The following PIEZO2 variants were observed in gnomAD, a reference collection of about 807,000 sequenced individuals.
PIEZO2 encodes piezo type mechanosensitive ion channel component 2.
Under a neutral mutation model 337.3 loss-of-function variants are expected in PIEZO2, and 172 were observed. The observed-to-expected ratio is 0.51, with a 90% CI of 0.45 to 0.58. The LOEUF is 0.58. Ranked by LOEUF, PIEZO2 falls within the 20% of genes least tolerant of loss-of-function variation. The pLI, the probability that PIEZO2 is intolerant of heterozygous loss-of-function variation, is 0.00. For synonymous variants in PIEZO2, 1,251 were observed against 1,228.5 expected (o/e 1.02, Z -0.38); for missense variants, 3,028 against 3,391.3 (o/e 0.89, Z 2.66).
intron 1 of PIEZO2, among the ~76,000 whole-genome samples, chr18:11,108,127 A>G (rs1054670785): frequency 1.3e-5 from 2 of 152,192 alleles, no homozygotes; most frequent in Non-Finnish European, 2.9e-5. Context: ...CTGGAACTCT[A>G]CATCCAGTGA....
intron 1 of PIEZO2, among the ~76,000 whole-genome samples, chr18:11,145,016 TGAAA>T (rs2040771068): frequency 6.6e-6 from 1 of 152,200 alleles, no homozygotes. Flanking sequence ...AGAATCCTGT[TGAAA>T]GAAACTAAAC....
rs561498667 is a variant in PIEZO2, at chr18:10,861,085, A to G, written c.493-3874T>C. On this transcript the variant is annotated intron_variant, in intron 5 of 55. Transcript: ENST00000674853. The surrounding 1 kb of genome is among the most constrained non-coding windows in gnomAD (Gnocchi z 4.3). ...ATTAACAGGCAGGCTTTTTCCCCCAAAGTGATTCTTCTGCTGATGTATAAA... is the reference window on the plus strand; with the variant it reads ...ATTAACAGGCAGGCTTTTTCCCCCAGAGTGATTCTTCTGCTGATGTATAAA... Among the ~76,000 whole-genome samples the G allele has an allele frequency of 3.9e-5, 6 of 152,266 alleles. No homozygotes were observed. Among genetic ancestry groups the G allele is most frequent in the South Asian group, 2.1e-4 (1 of 4,818 alleles).
chr18:10,706,981 AC>A (rs1244811412), intron 40 of PIEZO2, among the ~76,000 whole-genome samples: 1 of 152,120 alleles, frequency 6.6e-6, no homozygotes, highest in Non-Finnish European at 1.5e-5. Flanking sequence ...GAATGAATGA[AC>A]CTTGGCAGAG....
Position 11,079,710 on chromosome 18 carries a change from A to G in PIEZO2, c.65-13488T>C, listed in dbSNP as rs12457868. 1.8e-3 allele frequency among the ~76,000 whole-genome samples: 270 copies of G among 152,314 alleles called. 2 individuals are homozygous for G. Among genetic ancestry groups the G allele is most frequent in the Middle Eastern group, 3.4e-3 (1 of 294 alleles). ...AATGCCCCCTGCCCAACAGTAAACC[A>G]CAAATTCATAAGCATCCTTCAAATT... On this transcript the variant is annotated intron_variant, in intron 1 of 55. Transcript: ENST00000674853.
intron 44 of PIEZO2, 149 bp downstream of exon 44, chr18:10,698,775 TC>T (rs2035208985): frequency 9.5e-7 from 1 of 1,048,046 alleles, no homozygotes; most frequent in African/African-American, 1.6e-5. Context: ...AACTCGGGTT[TC>T]TCTGATTTCA....
At position 10,816,687 on chromosome 18, in the gene PIEZO2, C is replaced by T. The variant is rs146666613; in HGVS notation, c.918-9413G>A. Among the ~76,000 whole-genome samples the T allele has an allele frequency of 1.2e-4, 19 of 152,140 alleles. No individual in the cohort carries two copies. The East Asian group carries it at 3.5e-3, about 28-fold the overall frequency. ...CCAAAAGGAAAAAAAATTGGTGCAT[C>T]ACTGAAGAAGTCAAGTTAAGGCAAA... On this transcript the variant is annotated intron_variant, in intron 7 of 55. Coordinates refer to ENST00000674853, the MANE Select transcript of PIEZO2 (RefSeq NM_001378183.1).
intron 18 of PIEZO2, among the ~76,000 whole-genome samples, chr18:10,774,657 C>G (rs1278345022): frequency 6.6e-6 from 1 of 152,184 alleles, no homozygotes; most frequent in African/African-American, 2.4e-5. Flanking sequence ...TGGACCATAA[C>G]AAGTCCCATC....
chr18:10,749,484 A>T (rs1404255305), intron 29 of PIEZO2, among the ~76,000 whole-genome samples: 1 of 128,744 alleles, frequency 7.8e-6, no homozygotes, highest in Non-Finnish European at 1.6e-5. Context: ...AAATAGATAA[A>T]TAAATAATAA....
chr18:11,055,676 C>A lies in PIEZO2; in HGVS notation c.160+10451G>T, dbSNP rs575902806. On this transcript the variant is annotated intron_variant, in intron 2 of 55. Transcript: ENST00000674853. ...TAAATTATGTCTGCTTATTTGATCCCCACAAAGCCTAATAACCCTGAGGGA... is the reference window on the plus strand; with the variant it reads ...TAAATTATGTCTGCTTATTTGATCCACACAAAGCCTAATAACCCTGAGGGA... 3.6e-4 allele frequency among the ~76,000 whole-genome samples: 55 copies of A among 152,318 alleles called. No individual in the cohort carries two copies. In the South Asian group the frequency reaches 0.011, roughly 30 times the overall value.
Position 11,101,861 on chromosome 18 carries a change from A to G in PIEZO2, c.65-35639T>C, listed in dbSNP as rs1482961880. Among the ~76,000 whole-genome samples the G allele has an allele frequency of 6.6e-6, 1 of 152,220 alleles. No individual in the cohort carries two copies. The highest frequency in any genetic ancestry group is 2.4e-5 in the African/African-American group (1 of 41,448). On this transcript the variant is annotated intron_variant, in intron 1 of 55. Transcript: ENST00000674853. This position sits in a 1 kb window ranked among gnomAD's most constrained non-coding sequence, Gnocchi z 4.4. ...GACACACAAGCTCTTGTACTCTTGT[A>G]CTATACTACTTATAAGCTATCAAAT...
intron 1 of PIEZO2, among the ~76,000 whole-genome samples, chr18:11,090,521 G>A (rs2039044151): frequency 6.6e-6 from 1 of 152,196 alleles, no homozygotes; most frequent in Admixed American, 6.5e-5. Flanking sequence ...ACCTGAAAGG[G>A]TAGGGGTGGT....
rs1228444418 is a variant in PIEZO2 at position 10,895,008 on chromosome 18, A to G, written c.329+16178T>C. On this transcript the variant is annotated intron_variant, in intron 4 of 55. Coordinates refer to ENST00000674853, the MANE Select transcript of PIEZO2 (RefSeq NM_001378183.1). The surrounding 1 kb of genome is among the most constrained non-coding windows in gnomAD (Gnocchi z 4.8). ...CTCTTTCCTGAGATGAGAGTCTGTA[A>G]TGAAGAATTTGCCCGTGCTCTTGCA... is the stretch of plus-strand genomic sequence containing the variant. 6.6e-6 allele frequency among the ~76,000 whole-genome samples: 1 copy of G among 152,184 alleles called. No homozygotes were observed. The highest frequency in any genetic ancestry group is 2.4e-5 in the African/African-American group (1 of 41,454).
At chr18:11,100,656 CA>C (rs2039385273) in intron 1 of PIEZO2, among the ~76,000 whole-genome samples, 1 of 152,104 alleles carries the variant, frequency 6.6e-6, no homozygotes, top group Non-Finnish European at 1.5e-5. Context: ...AGTGCAGTGG[CA>C]CAGTTTTGGC....
intron 2 of PIEZO2, among the ~76,000 whole-genome samples, chr18:11,037,475 T>C (rs1179620401): frequency 6.6e-6 from 1 of 152,222 alleles, no homozygotes; most frequent in East Asian, 1.9e-4. Context: ...TACAATTCAG[T>C]TCAACACAAT....
intron 7 of PIEZO2, among the ~76,000 whole-genome samples, chr18:10,852,056 G>A (rs938709870): frequency 1.3e-5 from 2 of 152,076 alleles, no homozygotes; most frequent in African/African-American, 4.8e-5. Context: ...TCTTTCAGCA[G>A]TACAAAACTT....
rs936797287 is a variant in PIEZO2, at chr18:11,129,995, C to T, written c.64+18530G>A. Among the ~76,000 whole-genome samples, 2 of 152,184 alleles carry T rather than the reference C, an allele frequency of 1.3e-5. No individual in the cohort carries two copies. Among genetic ancestry groups the T allele is most frequent in the Non-Finnish European group, 2.9e-5 (2 of 68,026 alleles). Reference sequence around the variant, plus strand: ...CTGGCAGAACCCCCACATTGGCTCCCTGACTAGTAGGGTGAGGGCTACTAT... The same window carrying T: ...CTGGCAGAACCCCCACATTGGCTCCTTGACTAGTAGGGTGAGGGCTACTAT... On this transcript the variant is annotated intron_variant, in intron 1 of 55. Coordinates refer to ENST00000674853, the MANE Select transcript of PIEZO2 (RefSeq NM_001378183.1). The surrounding 1 kb of genome is among the most constrained non-coding windows in gnomAD (Gnocchi z 4.6).
intron 3 of PIEZO2, among the ~76,000 whole-genome samples, chr18:10,968,284 T>G (rs1174502373): frequency 5.3e-5 from 8 of 152,232 alleles, no homozygotes; most frequent in Non-Finnish European, 1.2e-4. Flanking sequence ...ATTTCTGGGT[T>G]CTCTAGTCTA....
chr18:10,937,758 T>A (rs555467466), intron 3 of PIEZO2, among the ~76,000 whole-genome samples: 2 of 152,278 alleles, frequency 1.3e-5, no homozygotes, highest in Admixed American at 6.5e-5. Flanking sequence ...TCCTAAGCAA[T>A]CCAGGATGTC....
intron 4 of PIEZO2, among the ~76,000 whole-genome samples, chr18:10,887,220 C>A (rs994179302): frequency 1.3e-5 from 2 of 151,774 alleles, no homozygotes; most frequent in Non-Finnish European, 2.9e-5. Context: ...CAGGTGTGCA[C>A]TAGCACACCT....
Sources: gnomAD v4.1 joint callset for allele counts (sites outside exome capture counted in the v4.1 genomes callset) on GRCh38, gnomAD v4.1.1 for gene constraint, Gnocchi (gnomAD v3.1) non-coding constraint, MANE v1.5 for transcripts, NCBI Gene and HGNC (gene_info 2026-07-23, HGNC 2026-07-21) for gene names.